MYOM2: variants seen among roughly 807,000 people sequenced by gnomAD.
MYOM2 encodes the protein myomesin-2.
Under a neutral mutation model 187.6 loss-of-function variants are expected in MYOM2, and 254 were observed. The ratio of observed to expected loss-of-function variants is 1.35; its 90% confidence interval spans 1.22 to 1.50. The LOEUF is 1.50. Among genes scored for constraint, MYOM2 ranks in the 40% most tolerant of loss-of-function variants. The probability of loss-of-function intolerance (pLI) is 0.00; values close to 1 mark genes in which losing one functional copy is unlikely to be tolerated. For synonymous variants in MYOM2, 981 were observed against 753.8 expected (o/e 1.30, Z -4.94); for missense variants, 2,796 against 1,924.0 (o/e 1.45, Z -8.48).
intron 36 of MYOM2, among the ~76,000 whole-genome samples, chr8:2,143,727 A>C: frequency 6.6e-6 from 1 of 152,314 alleles, no homozygotes; most frequent in South Asian, 2.1e-4. Context: ...CCTCAAGGCA[A>C]GTGCTGTGGC....
At chr8:2,108,373 A>G (rs1161603499) in intron 23 of MYOM2, among the ~76,000 whole-genome samples, 1 of 151,916 alleles carries the variant, frequency 6.6e-6, no homozygotes, top group East Asian at 1.9e-4. Flanking sequence ...TTGAAGAAGG[A>G]CATCTTGAGA....
chr8:2,131,175 G>A (rs1297435223), intron 32 of MYOM2, among the ~76,000 whole-genome samples: 1 of 152,198 alleles, frequency 6.6e-6, no homozygotes, highest in African/African-American at 2.4e-5. Context: ...CAGGAAGTGT[G>A]TGTAGATGTA....
rs1554546568 is a variant in MYOM2, at chr8:2,085,593, C to CTT, written c.1644+203_1644+204insTT. On this transcript the variant is annotated intron_variant, in intron 14 of 36. Transcript: ENST00000262113. ...CCCCACTGTTGTGATCTCTGCGTGG[C>CTT]CCCACTGTCGTGATCTCTGCGTGGC... Among the ~76,000 whole-genome samples the CTT allele has an allele frequency of 4.3e-4, 3 of 6,952 alleles. 1 individual carries two copies. Among genetic ancestry groups the CTT allele is most frequent in the Non-Finnish European group, 6.6e-4 (3 of 4,522 alleles). 4.6% of individuals were successfully genotyped at this position (6,952 alleles called of 152,430 possible).
At chr8:2,130,200 G>C (rs1563076844) in intron 32 of MYOM2, among the ~76,000 whole-genome samples, 1 of 134,436 alleles carries the variant, frequency 7.4e-6, no homozygotes, top group Non-Finnish European at 1.5e-5. Flanking sequence ...CCCACACCCC[G>C]CCTTTAGTTA....
At chr8:2,131,588 C>T (rs887320055) in intron 32 of MYOM2, among the ~76,000 whole-genome samples, 2 of 151,106 alleles carry the variant, frequency 1.3e-5, no homozygotes, top group Non-Finnish European at 2.9e-5. Flanking sequence ...AACATTATTT[C>T]TATGTTTTAT....
At chr8:2,092,294 G>A (rs1796331448) in intron 15 of MYOM2, 52 bp from the exon 16 acceptor site, 1 of 1,582,862 alleles carries the variant, frequency 6.3e-7, no homozygotes, top group Non-Finnish European at 8.6e-7. Context: ...CTCTGCTGTA[G>A]CTTCCAAAGC....
rs189183425 is a variant in MYOM2, at chr8:2,073,522, G to A, written c.1120+22G>A. ...AGAGGTGCGGGCAGCAGGGTTCTCA[G>A]GGTGCAGACCTTGTGTGTGCCCGGG... On this transcript the variant is annotated intron_variant, in intron 10 of 36. Coordinates refer to ENST00000262113, the MANE Select transcript of MYOM2 (RefSeq NM_003970.4). The A allele has an allele frequency of 0.012, 19,587 of 1,588,544 alleles. 1,388 individuals are homozygous for A. The African/African-American group carries it at 0.19, about 16-fold the overall frequency.
Position 2,090,109 on chromosome 8 carries a change from G to A in MYOM2, c.1746G>A (p.Val582=), listed in dbSNP as rs201722910. The A allele has an allele frequency of 4.3e-6, 7 of 1,613,968 alleles. No homozygotes were observed. The Admixed American group carries it at 1.0e-4, about 23-fold the overall frequency. The part of the protein sequence containing the change: ...VFDLMEGKSY[V]FRVLSANRHG... ...ACCTCATGGAAGGGAAGTCTTATGTGTTCCGAGTGCTGTCAGCAAACCGGC... is the reference window on the plus strand; with the variant it reads ...ACCTCATGGAAGGGAAGTCTTATGTATTCCGAGTGCTGTCAGCAAACCGGC... The change falls in exon 15 of 37, where the codon GTG becomes GTA. Residue 582 remains valine, a synonymous_variant. Transcript: ENST00000262113.
At chr8:2,134,084 G>A (rs77717513) in intron 32 of MYOM2, among the ~76,000 whole-genome samples, 4,754 of 150,450 alleles carry the variant, frequency 0.032, 257 homozygotes, top group African/African-American at 0.11. Flanking sequence ...AAAACCAGGC[G>A]CTGAATGATG....
At chr8:2,122,862 C>G (rs917478044) in intron 28 of MYOM2, among the ~76,000 whole-genome samples, 7 of 152,200 alleles carry the variant, frequency 4.6e-5, no homozygotes, top group Admixed American at 2.0e-4. Context: ...AAAAGAGCAG[C>G]TGCCAACCAG....
chr8:2,079,310 G>T (rs1022799721), intron 12 of MYOM2, among the ~76,000 whole-genome samples: 3 of 151,982 alleles, frequency 2.0e-5, no homozygotes, highest in Non-Finnish European at 4.4e-5. Flanking sequence ...ATGGGACTGG[G>T]CCCTTCGTTA....
chr8:2,052,337 C>T, intron 3 of MYOM2, 24 bp downstream of exon 3: 1 of 1,575,050 alleles, frequency 6.3e-7, no homozygotes, highest in Non-Finnish European at 8.6e-7. Flanking sequence ...TTCCCTGACT[C>T]CACTTGTGCC....
chr8:2,050,204 C>A (rs767098504), intron 1 of MYOM2, among the ~76,000 whole-genome samples: 3 of 152,164 alleles, frequency 2.0e-5, no homozygotes, highest in South Asian at 2.1e-4. Flanking sequence ...CCTGCCCGAC[C>A]TTTGCTTATG....
At chr8:2,087,345 A>G (rs1177279815) in intron 14 of MYOM2, among the ~76,000 whole-genome samples, 1 of 152,190 alleles carries the variant, frequency 6.6e-6, no homozygotes, top group African/African-American at 2.4e-5. Context: ...ATGGAAACGA[A>G]CCATATTTCA....
At chr8:2,064,397 G>C (rs1447689432) in intron 6 of MYOM2, among the ~76,000 whole-genome samples, 1 of 152,244 alleles carries the variant, frequency 6.6e-6, no homozygotes, top group Non-Finnish European at 1.5e-5. Context: ...CCGTGGGGGT[G>C]ACCGCGAGCT....
chr8:2,122,549 C>T (rs1797493568), intron 28 of MYOM2, among the ~76,000 whole-genome samples: 1 of 152,240 alleles, frequency 6.6e-6, no homozygotes, highest in Non-Finnish European at 1.5e-5. Context: ...ATTCTTTTGT[C>T]ATCAACATCA....
rs749979888 is a variant in MYOM2, at chr8:2,073,445, G to A, written c.1065G>A (p.Leu355=). ...LHKDDEGLYT[L]RIVSRGGVSD... ...AGGACGACGAGGGCCTGTACACCCT[G>A]CGCATCGTGTCTCGGGGCGGCGTCA... Residue 355 remains leucine, a synonymous_variant, in exon 10 of 37, where the codon CTG becomes CTA. Coordinates refer to ENST00000262113, the MANE Select transcript of MYOM2 (RefSeq NM_003970.4). 3.7e-6 allele frequency: 6 copies of A among 1,612,014 alleles called. No individual in the cohort carries two copies. The highest frequency in any genetic ancestry group is 5.1e-6 in the Non-Finnish European group (6 of 1,179,710).
At chr8:2,126,756 G>A (rs1261494507) in intron 31 of MYOM2, among the ~76,000 whole-genome samples, 2 of 135,422 alleles carry the variant, frequency 1.5e-5, no homozygotes, top group Non-Finnish European at 3.2e-5. Context: ...CACTGGGGGA[G>A]GATGGGGGAG....
chr8:2,131,306 A>C (rs1797857839), intron 32 of MYOM2, among the ~76,000 whole-genome samples: 2 of 152,154 alleles, frequency 1.3e-5, no homozygotes, highest in Admixed American at 1.3e-4. Flanking sequence ...ATAGATGTGG[A>C]AACTGGGGTT....
Sources: allele counts gnomAD v4.1 joint callset (sites outside exome capture counted in the v4.1 genomes callset), GRCh38; gene constraint gnomAD v4.1.1; transcripts MANE v1.5; gene names NCBI Gene and HGNC (gene_info 2026-07-23, HGNC 2026-07-21).